The following MTCL3 variants were observed in gnomAD, a reference collection of about 807,000 sequenced individuals.
The protein encoded by MTCL3 is MTCL family member 3, also known as microtubule cross-linking factor 3.
chr6:127,489,650 C>T, the MTCL3 span, among the ~76,000 whole-genome samples: 1 of 152,244 alleles, frequency 6.6e-6, no homozygotes, highest in East Asian at 1.9e-4. Flanking sequence ...GATAAAAGAT[C>T]AAACAACCCA....
the MTCL3 span, chr6:127,515,710 G>C: frequency 6.3e-7 from 1 of 1,581,780 alleles, no homozygotes; most frequent in Non-Finnish European, 8.6e-7. This position sits in a 1 kb window ranked among gnomAD's most constrained non-coding sequence, Gnocchi z 4.3. Context: ...GACGGCCAGG[G>C]TCTCGCAAAC....
At chr6:127,473,213 C>T in the MTCL3 span, 6 of 1,388,222 alleles carry the variant, frequency 4.3e-6, no homozygotes, top group South Asian at 5.5e-5. Context: ...TCTTTTACTT[C>T]TTGTCTTGAA....
the MTCL3 span, among the ~76,000 whole-genome samples, chr6:127,493,974 A>C: frequency 4.6e-5 from 7 of 152,186 alleles, no homozygotes; most frequent in African/African-American, 1.7e-4. Flanking sequence ...CAATTTGTAG[A>C]GCATACCCTT....
chr6:127,493,012 T>C, the MTCL3 span, among the ~76,000 whole-genome samples: 1 of 152,202 alleles, frequency 6.6e-6, no homozygotes, highest in Non-Finnish European at 1.5e-5. Context: ...GTTTCTTCTA[T>C]TTGAACTTAG....
At chr6:127,476,489 G>A in the MTCL3 span, 1 of 1,531,996 alleles carries the variant, frequency 6.5e-7, no homozygotes, top group South Asian at 1.3e-5. This position sits in a 1 kb window ranked among gnomAD's most constrained non-coding sequence, Gnocchi z 4.4. Context: ...GGAAAAGAGG[G>A]AAAAGGATAG....
chr6:127,493,070 T>G, the MTCL3 span, among the ~76,000 whole-genome samples: 1 of 152,206 alleles, frequency 6.6e-6, no homozygotes, highest in African/African-American at 2.4e-5. Context: ...ATCTTCACAA[T>G]GCCTTTATCT....
the MTCL3 span, among the ~76,000 whole-genome samples, chr6:127,493,263 T>C: frequency 6.6e-6 from 1 of 152,196 alleles, no homozygotes; most frequent in Non-Finnish European, 1.5e-5. Flanking sequence ...CAGAAAATTA[T>C]CAATTTTAAT....
chr6:127,477,403 G>T, the MTCL3 span, among the ~76,000 whole-genome samples: 1 of 152,142 alleles, frequency 6.6e-6, no homozygotes, highest in Non-Finnish European at 1.5e-5. Context: ...TATGTCTAAG[G>T]TCATTTCTCC....
At chr6:127,508,740 CT>C in the MTCL3 span, among the ~76,000 whole-genome samples, 1 of 152,182 alleles carries the variant, frequency 6.6e-6, no homozygotes, top group East Asian at 1.9e-4. Context: ...TCAAATGTCT[CT>C]TATCAACACT....
At chr6:127,499,812 G>T in the MTCL3 span, among the ~76,000 whole-genome samples, 1 of 152,182 alleles carries the variant, frequency 6.6e-6, no homozygotes, top group Non-Finnish European at 1.5e-5. Context: ...GGCACTGGCA[G>T]GCACGCTGAC....
At chr6:127,514,878 G>C in the MTCL3 span, 2 of 1,614,092 alleles carry the variant, frequency 1.2e-6, no homozygotes, top group Non-Finnish European at 1.7e-6. Flanking sequence ...CCCGGTCTGG[G>C]CGTAGCGGAG....
chr6:127,507,877 A>C, the MTCL3 span, among the ~76,000 whole-genome samples: 1 of 151,780 alleles, frequency 6.6e-6, no homozygotes, highest in African/African-American at 2.4e-5. Context: ...AAAAGAAAAA[A>C]AATGCATTCA....
the MTCL3 span, among the ~76,000 whole-genome samples, chr6:127,474,102 C>T: frequency 0.011 from 1,650 of 151,658 alleles, 38 homozygotes; most frequent in African/African-American, 0.038. Flanking sequence ...CTCCACTATA[C>T]AACTGAGAGT....
the MTCL3 span, chr6:127,473,123 G>T: frequency 8.4e-7 from 1 of 1,189,524 alleles, no homozygotes; most frequent in Non-Finnish European, 1.0e-6. Flanking sequence ...ATTTGGTCTT[G>T]GTAAGATGAG....
the MTCL3 span, among the ~76,000 whole-genome samples, chr6:127,509,877 A>C: frequency 6.6e-6 from 1 of 152,214 alleles, no homozygotes; most frequent in Admixed American, 6.5e-5. Context: ...CAAAAATCTT[A>C]TCTGAATGAA....
At chr6:127,475,274 G>T in the MTCL3 span, 3 of 1,568,092 alleles carry the variant, frequency 1.9e-6, no homozygotes, top group African/African-American at 2.7e-5. This position sits in a 1 kb window ranked among gnomAD's most constrained non-coding sequence, Gnocchi z 7.3. Context: ...GCCGTGGCTC[G>T]CAATAGGCAG....
At chr6:127,473,091 T>G in the MTCL3 span, 1 of 1,150,232 alleles carries the variant, frequency 8.7e-7, no homozygotes, top group Non-Finnish European at 1.1e-6. Flanking sequence ...TGAAATATTT[T>G]AGTGTTTGGG....
chr6:127,493,755 C>G, the MTCL3 span, among the ~76,000 whole-genome samples: 1 of 152,208 alleles, frequency 6.6e-6, no homozygotes, highest in Non-Finnish European at 1.5e-5. Flanking sequence ...AACTATTTTT[C>G]TGCTCTAAAA....
the MTCL3 span, among the ~76,000 whole-genome samples, chr6:127,506,928 A>T: frequency 6.6e-6 from 1 of 152,136 alleles, no homozygotes; most frequent in Non-Finnish European, 1.5e-5. Flanking sequence ...TGAAGTAAAC[A>T]ACACTTCAGT....
Sources: allele counts gnomAD v4.1 joint callset (sites outside exome capture counted in the v4.1 genomes callset), GRCh38; gene constraint gnomAD v4.1.1; non-coding constraint Gnocchi (gnomAD v3.1); transcripts MANE v1.5; gene names NCBI Gene and HGNC (gene_info 2026-07-23, HGNC 2026-07-21).